Variants in MZT2B observed in about 807,000 individuals in gnomAD.
MZT2B encodes the protein mitotic-spindle organizing protein 2B.
In MZT2B, 11 loss-of-function variants were observed where a neutral mutation model predicts 12.1. The observed-to-expected ratio is 0.91, with a 90% CI of 0.57 to 1.50. The LOEUF (loss-of-function observed/expected upper bound fraction) is 1.50, where lower values mean the gene tolerates loss of function less well. MZT2B is among the 40% of genes most tolerant of loss of function. The pLI, the probability that MZT2B is intolerant of heterozygous loss-of-function variation, is 0.00. For missense variants in MZT2B, 209 were observed against 227.7 expected (o/e 0.92, Z 0.53); for synonymous variants, 85 against 109.5 (o/e 0.78, Z 1.40).
rs546034481 is a variant in MZT2B at position 130,184,815 on chromosome 2, G to A, written c.319+2040G>A. 5.9e-5 allele frequency: 58 copies of A among 985,406 alleles called. No individual in the cohort carries two copies. The African/African-American group carries it at 8.2e-4, about 14-fold the overall frequency. The allele number at this position is 985,406 out of a possible 1,614,324, so 61.0% of individuals were successfully genotyped here. A position where few individuals can be genotyped will look rare whatever the true frequency, so the allele number is the denominator to read the frequency against. On this transcript the variant is annotated intron_variant, in intron 2 of 2. Coordinates refer to ENST00000281871, the MANE Select transcript of MZT2B (RefSeq NM_025029.5). Reference sequence around the variant, plus strand: ...GCCAGGCCTAGCTCTCAGGGCAGAGGGTGTGGCAGGGAAGTGAGATGATCA... The same window carrying A: ...GCCAGGCCTAGCTCTCAGGGCAGAGAGTGTGGCAGGGAAGTGAGATGATCA...
intron 2 of MZT2B, chr2:130,187,989 A>T (rs1690121926): frequency 6.6e-6 from 1 of 151,972 alleles, no homozygotes; most frequent in South Asian, 2.1e-4. Context: ...GGCAGCAATG[A>T]ACTGTGATTG....
downstream of MZT2B, among the ~76,000 whole-genome samples, chr2:130,195,547 G>A (rs1448175627): frequency 1.3e-5 from 2 of 152,242 alleles, no homozygotes; most frequent in Non-Finnish European, 2.9e-5. Flanking sequence ...ATCAAAGGCT[G>A]TAAGTTAAAA....
chr2:130,199,722 G>A, the MZT2B span, among the ~76,000 whole-genome samples: 2 of 122,132 alleles, frequency 1.6e-5, 1 homozygote, highest in Non-Finnish European at 3.6e-5. Context: ...TGTTGTCCAG[G>A]CTAGTCTTGA....
downstream of MZT2B, chr2:130,191,967 T>C: frequency 1.2e-6 from 2 of 1,613,900 alleles, no homozygotes; most frequent in Non-Finnish European, 1.7e-6. Context: ...CACGTACCAG[T>C]GCACAAAGGC....
upstream of MZT2B, chr2:130,181,711 G>A: frequency 1.9e-6 from 3 of 1,548,492 alleles, no homozygotes; most frequent in Non-Finnish European, 2.6e-6. Flanking sequence ...GCCGGGCGGG[G>A]AAGAGAAATG....
chr2:130,186,840 A>C (rs1302711471), intron 2 of MZT2B, among the ~76,000 whole-genome samples: 2 of 151,882 alleles, frequency 1.3e-5, no homozygotes, highest in African/African-American at 4.8e-5. Context: ...TGGGAGGTTG[A>C]GGTTGCAGTG....
chr2:130,195,616 G>A (rs1690385194), downstream of MZT2B, among the ~76,000 whole-genome samples: 1 of 152,234 alleles, frequency 6.6e-6, no homozygotes. Flanking sequence ...AGTCCCATCA[G>A]GGCACCCTGG....
chr2:130,191,325 C>T (rs571768156), downstream of MZT2B, among the ~76,000 whole-genome samples: 7 of 152,132 alleles, frequency 4.6e-5, no homozygotes, highest in East Asian at 3.9e-4. Flanking sequence ...CTGTGGGTCA[C>T]GAATGCTGTG....
the MZT2B span, chr2:130,202,487 G>A: frequency 7.8e-7 from 1 of 1,276,358 alleles, no homozygotes; most frequent in East Asian, 5.6e-5. Context: ...GCTTTGCAGA[G>A]TTTTGTAAGG....
At chr2:130,196,061 C>T in the MZT2B span, 2 of 1,297,576 alleles carry the variant, frequency 1.5e-6, no homozygotes, top group Non-Finnish European at 2.1e-6. Context: ...ATCCTTTCAG[C>T]AGGAGGATTC....
In MZT2B at chr2:130,186,753, A is replaced by C. The variant is rs572475822; in HGVS notation, c.320-3716A>C. Among the ~76,000 whole-genome samples the C allele has an allele frequency of 6.6e-5, 10 of 152,270 alleles. No individual in the cohort carries two copies. In the South Asian group the frequency reaches 2.1e-3, roughly 32 times the overall value. ...GGAGACCCAATCTCTACAAAACACAAAAATTAGCAGGGCATGGTGGCACAC... is the reference window on the plus strand; with the variant it reads ...GGAGACCCAATCTCTACAAAACACACAAATTAGCAGGGCATGGTGGCACAC... On this transcript the variant is annotated intron_variant, in intron 2 of 2. Coordinates refer to ENST00000281871, the MANE Select transcript of MZT2B (RefSeq NM_025029.5).
At chr2:130,197,879 A>G in the MZT2B span, among the ~76,000 whole-genome samples, 1 of 125,406 alleles carries the variant, frequency 8.0e-6, no homozygotes, top group East Asian at 2.6e-4. Context: ...AAGGGCTGGG[A>G]TTCCAGGCGT....
chr2:130,204,706 G>T, the MZT2B span, among the ~76,000 whole-genome samples: 267 of 53,648 alleles, frequency 5.0e-3, 5 homozygotes, highest in Non-Finnish European at 9.0e-3. Flanking sequence ...AAAAAAAAAG[G>T]GGGGGTGGGG....
the MZT2B span, among the ~76,000 whole-genome samples, chr2:130,200,564 T>C: frequency 5.9e-5 from 9 of 152,322 alleles, no homozygotes; most frequent in Non-Finnish European, 1.2e-4. Flanking sequence ...TTCCTGTCTC[T>C]CTGGGCCTGA....
At chr2:130,184,334 C>T (rs933471271) in intron 2 of MZT2B, 62 of 985,348 alleles carry the variant, frequency 6.3e-5, no homozygotes, top group Admixed American at 2.5e-4. Context: ...TAGAAGTTGT[C>T]CCTTATCTGG....
At chr2:130,193,346 C>T (rs1370143191), downstream of MZT2B, among the ~76,000 whole-genome samples, 1 of 151,808 alleles carries the variant, frequency 6.6e-6, no homozygotes. Context: ...CAGTGGCTCA[C>T]GACTGTAATC....
At position 130,182,369 on chromosome 2, in the gene MZT2B, G is replaced by C. The variant is rs771478812; in HGVS notation, c.87G>C (p.Arg29=). The change falls in exon 1 of 3, where the codon CGG becomes CGC. Residue 29 remains arginine (R), a synonymous_variant. Transcript: ENST00000281871. ...CCCGGCAGAAGCTGGCGCTGCGGCG[G>C]AAGAAGGTGCTGAGCACCGAGGAGA... ...EAARQKLALR[R]KKVLSTEEME... The C allele has an allele frequency of 2.0e-3, 3,116 of 1,543,086 alleles. 9 individuals are homozygous for C. Among genetic ancestry groups the C allele is most frequent in the Non-Finnish European group, 2.6e-3 (2,945 of 1,149,184 alleles).
chr2:130,200,535 C>T, the MZT2B span, among the ~76,000 whole-genome samples: 1 of 152,200 alleles, frequency 6.6e-6, no homozygotes, highest in East Asian at 1.9e-4. Context: ...GAGTACAAGG[C>T]GTGTGACTGA....
At chr2:130,191,947 T>A (rs1363877673), downstream of MZT2B, 1 of 1,613,930 alleles carries the variant, frequency 6.2e-7, no homozygotes, top group East Asian at 2.2e-5. Context: ...CCCTCTTCCA[T>A]GCCTTCGCCC....
Sources: allele counts gnomAD v4.1 joint callset (sites outside exome capture counted in the v4.1 genomes callset), GRCh38; gene constraint gnomAD v4.1.1; transcripts MANE v1.5; gene names NCBI Gene and HGNC (gene_info 2026-07-23, HGNC 2026-07-21).